Variants in DEPDC1B observed in about 807,000 individuals in gnomAD.
The protein encoded by DEPDC1B is DEP domain containing 1B.
A neutral mutation model predicts 66.5 loss-of-function variants in DEPDC1B; 51 were observed. The observed-to-expected ratio is 0.77, with a 90% confidence interval of 0.61 to 0.97. The LOEUF is 0.97. Ranked by LOEUF, DEPDC1B falls within the 50% of genes least tolerant of loss-of-function variation. The pLI is 0.00. For synonymous variants in DEPDC1B, 226 were observed against 223.6 expected, an observed-to-expected ratio of 1.01 and a Z score of -0.10; for missense variants, 552 against 637.1, an observed-to-expected ratio of 0.87 and a Z score of 1.44.
chr5:60,645,556 C>T lies in DEPDC1B; in HGVS notation c.514G>A (p.Val172Ile). The T allele has an allele frequency of 6.2e-7, 1 of 1,613,038 alleles. No individual in the cohort carries two copies. Among genetic ancestry groups the T allele is most frequent in the Non-Finnish European group, 8.5e-7 (1 of 1,179,488 alleles). ...AIGEVPACRL[V>I]HRRQLTEANV... is the part of the protein sequence containing the mutation. ...GCCTCTGTCAGCTGTCTGCGGTGGA[C>T]AAGACGGCAAGCTGGCACCTCTCCA... Residue 172 changes from valine to isoleucine, a missense_variant, in exon 4 of 11, where the codon GTC becomes ATC. Physicochemically the swap from Val to Ile is conservative, Grantham distance 29. Transcript: ENST00000265036.
intron 7 of DEPDC1B, among the ~76,000 whole-genome samples, chr5:60,615,246 A>C (rs2111754084): frequency 6.6e-6 from 1 of 152,278 alleles, no homozygotes; most frequent in East Asian, 1.9e-4. Flanking sequence ...TGATTTCTGC[A>C]TTTCCAACTG....
chr5:60,640,102 C>G (rs1012412199), intron 6 of DEPDC1B, among the ~76,000 whole-genome samples: 1 of 152,178 alleles, frequency 6.6e-6, no homozygotes, highest in African/African-American at 2.4e-5. Context: ...ATATTCTGTT[C>G]TCTTCTTATA....
chr5:60,601,796 A>T (rs1374126603), intron 9 of DEPDC1B, among the ~76,000 whole-genome samples: 2 of 152,246 alleles, frequency 1.3e-5, no homozygotes, highest in African/African-American at 4.8e-5. Context: ...TGTGATAAAC[A>T]TTATTGTGAG....
chr5:60,673,479 G>T (rs1328204196), intron 2 of DEPDC1B, among the ~76,000 whole-genome samples: 2 of 152,110 alleles, frequency 1.3e-5, no homozygotes, highest in Non-Finnish European at 2.9e-5. Context: ...ACAAAACTGA[G>T]CTAAGAAGCC....
At chr5:60,658,357 G>T (rs141192216) in intron 2 of DEPDC1B, among the ~76,000 whole-genome samples, 68 of 152,258 alleles carry the variant, frequency 4.5e-4, no homozygotes, top group African/African-American at 1.6e-3. Flanking sequence ...CTTTTGGGGA[G>T]TGTTAAAGAA....
In DEPDC1B at chr5:60,700,121, G is replaced by GCGCCAGCGCTGATCCC; in HGVS notation, c.-44_-29dup. 6.5e-7 allele frequency: 1 copy of GCGCCAGCGCTGATCCC among 1,538,580 alleles called. No individual in the cohort carries two copies. Among genetic ancestry groups the GCGCCAGCGCTGATCCC allele is most frequent in the Non-Finnish European group, 8.7e-7 (1 of 1,145,022 alleles). On this transcript the variant is annotated 5_prime_UTR_variant, in exon 1 of 11. Coordinates refer to ENST00000265036, the MANE Select transcript of DEPDC1B (RefSeq NM_018369.3). ...CGCGTAGGCAGCAGCGGCCGCAGCC[G>GCGCCAGCGCTGATCCC]CGCCAGCGCTGATCCCCGCCAGCCG...
intron 7 of DEPDC1B, among the ~76,000 whole-genome samples, chr5:60,606,860 C>T (rs1752321926): frequency 6.6e-6 from 1 of 151,934 alleles, no homozygotes; most frequent in East Asian, 1.9e-4. Flanking sequence ...ATATCCAAGC[C>T]CTCTAATGAG....
rs543463797 is a variant in DEPDC1B, at chr5:60,654,355, G to GT, written c.315-6823dup. 2.1e-3 allele frequency among the ~76,000 whole-genome samples: 294 copies of GT among 139,736 alleles called. 23 individuals carry two copies. The highest frequency in any genetic ancestry group is 6.1e-3 in the African/African-American group (224 of 36,600). 91.7% of individuals were successfully genotyped at this position (139,736 alleles called of 152,430 possible). On this transcript the variant is annotated intron_variant, in intron 2 of 10. Coordinates refer to ENST00000265036, the MANE Select transcript of DEPDC1B (RefSeq NM_018369.3). ...AGGTATATTCCCTAAGTTTTTTGGTGTTTTTTTTTTCTTTTTTTTTGGTGG... is the reference window on the plus strand; with the variant it reads ...AGGTATATTCCCTAAGTTTTTTGGTGTTTTTTTTTTTCTTTTTTTTTGGTGG...
intron 2 of DEPDC1B, among the ~76,000 whole-genome samples, chr5:60,653,964 G>C (rs929978612): frequency 6.0e-5 from 9 of 149,062 alleles, no homozygotes; most frequent in African/African-American, 2.0e-4. Context: ...ATTGCTCTAT[G>C]TGCCTATTTT....
Position 60,693,695 on chromosome 5 carries a change from T to G in DEPDC1B, c.48+6351A>C, listed in dbSNP as rs568952419. Among the ~76,000 whole-genome samples, 8 of 152,268 alleles carry G rather than the reference T, an allele frequency of 5.3e-5. No homozygotes were observed. In the East Asian group the frequency reaches 1.5e-3, roughly 29 times the overall value. ...CCTGTGCTACGGACTTTTCTTCAAGTAGTCATTTCACTATACCAAGTACCT... is the reference window on the plus strand; with the variant it reads ...CCTGTGCTACGGACTTTTCTTCAAGGAGTCATTTCACTATACCAAGTACCT... On this transcript the variant is annotated intron_variant, in intron 1 of 10. Transcript: ENST00000265036.
At chr5:60,651,550 A>T (rs1229467582) in intron 2 of DEPDC1B, among the ~76,000 whole-genome samples, 5 of 149,168 alleles carry the variant, frequency 3.4e-5, no homozygotes, top group African/African-American at 9.9e-5. Flanking sequence ...CAAAAAAAAC[A>T]AAAAAAAAAC....
At chr5:60,691,595 A>G in intron 1 of DEPDC1B, among the ~76,000 whole-genome samples, 1 of 152,184 alleles carries the variant, frequency 6.6e-6, no homozygotes, top group East Asian at 1.9e-4. Flanking sequence ...TATATCTATC[A>G]TTTCCAAACA....
chr5:60,607,680 C>CA (rs1356281406), intron 7 of DEPDC1B, among the ~76,000 whole-genome samples: 1 of 151,186 alleles, frequency 6.6e-6, no homozygotes, highest in Non-Finnish European at 1.5e-5. Flanking sequence ...GGATGTGCTC[C>CA]AAAAAAAACA....
At chr5:60,662,024 C>A (rs544558928) in intron 2 of DEPDC1B, among the ~76,000 whole-genome samples, 1 of 152,240 alleles carries the variant, frequency 6.6e-6, no homozygotes, top group African/African-American at 2.4e-5. Context: ...ACCTCTTTGT[C>A]ACCTAACTCT....
intron 9 of DEPDC1B, among the ~76,000 whole-genome samples, chr5:60,600,890 T>C (rs1408325042): frequency 6.6e-6 from 1 of 152,262 alleles, no homozygotes; most frequent in African/African-American, 2.4e-5. Flanking sequence ...AAATCTCATC[T>C]TGAAATGTAG....
At chr5:60,650,950 T>A (rs952274322) in intron 2 of DEPDC1B, among the ~76,000 whole-genome samples, 2 of 152,146 alleles carry the variant, frequency 1.3e-5, no homozygotes, top group Non-Finnish European at 2.9e-5. Context: ...CTCTTGAAAC[T>A]CTCACTCTTG....
chr5:60,645,569 T>G lies in DEPDC1B; in HGVS notation c.501A>C (p.Pro167=). Residue 167 remains proline, a synonymous_variant, in exon 4 of 11, where the codon CCA becomes CCC. Coordinates refer to ENST00000265036, the MANE Select transcript of DEPDC1B (RefSeq NM_018369.3). ...KRHSIAIGEV[P]ACRLVHRRQL... is the part of the protein sequence containing the mutation. ...GTCTGCGGTGGACAAGACGGCAAGC[T>G]GGCACCTCTCCAATTGCAATACTGT... The G allele has an allele frequency of 6.2e-7, 1 of 1,613,198 alleles. No individual in the cohort carries two copies. Among genetic ancestry groups the G allele is most frequent in the Non-Finnish European group, 8.5e-7 (1 of 1,179,506 alleles).
intron 2 of DEPDC1B, among the ~76,000 whole-genome samples, chr5:60,665,042 C>T (rs887884107): frequency 4.6e-5 from 7 of 151,980 alleles, no homozygotes; most frequent in South Asian, 2.1e-4. Context: ...CCAAAAGAGC[C>T]GCAAGGTGGG....
chr5:60,680,318 T>C lies in DEPDC1B; in HGVS notation c.314+6644A>G, dbSNP rs76475574. On this transcript the variant is annotated intron_variant, in intron 2 of 10. Transcript: ENST00000265036. ...AGTACATCTCTGTAACATCTCATTA[T>C]TATTATAGGCATTCAGATATTATGA... Among the ~76,000 whole-genome samples the C allele has an allele frequency of 7.9e-5, 12 of 152,332 alleles. No individual in the cohort carries two copies. In the East Asian group the frequency reaches 2.3e-3, roughly 29 times the overall value.
Sources: allele counts gnomAD v4.1 joint callset (sites outside exome capture counted in the v4.1 genomes callset), GRCh38; gene constraint gnomAD v4.1.1; transcripts MANE v1.5; gene names NCBI Gene and HGNC (gene_info 2026-07-23, HGNC 2026-07-21).